NBEA: variants seen among roughly 807,000 people sequenced by gnomAD.
NBEA encodes neurobeachin, also known as lysosomal-trafficking regulator 2.
Under a neutral mutation model 343.4 loss-of-function variants are expected in NBEA, and 44 were observed. The ratio of observed to expected loss-of-function variants is 0.13; its 90% confidence interval spans 0.10 to 0.16. The LOEUF (loss-of-function observed/expected upper bound fraction) is 0.16. Ranked by LOEUF, NBEA falls within the 10% of genes least tolerant of loss-of-function variation. The probability of loss-of-function intolerance (pLI) is 1.00; values close to 1 mark genes in which losing one functional copy is unlikely to be tolerated. For missense variants in NBEA, 2,555 were observed against 3,631.3 expected (o/e 0.70, Z 7.62); for synonymous variants, 1,175 against 1,238.7 (o/e 0.95, Z 1.08).
At chr13:35,619,503 A>T (rs1593384629) in intron 48 of NBEA, among the ~76,000 whole-genome samples, 1 of 152,148 alleles carries the variant, frequency 6.6e-6, no homozygotes, top group Non-Finnish European at 1.5e-5. Flanking sequence ...ACACTCCCCC[A>T]CCCAACCACA....
Position 35,164,372 on chromosome 13 carries a change from G to A in NBEA, c.4096G>A (p.Val1366Ile), listed in dbSNP as rs776824651. Reference protein sequence around the residue: ...HVWRSHSTKSVMDFVNSNENI... With the variant: ...HVWRSHSTKSIMDFVNSNENI... ...GTATTTTAGCCATTCTACAAAGTCT[G>A]TAATGGATTTTGTCAATAGCAATGA... The change falls in exon 24 of 59, where the codon GTA becomes ATA. Residue 1366 changes from valine (V) to isoleucine (I), a missense_variant. Physicochemically the swap from Val to Ile is conservative, Grantham distance 29. Transcript: ENST00000379939. 8 of 1,582,330 alleles carry A rather than the reference G, an allele frequency of 5.1e-6. No homozygotes were observed. The highest frequency in any genetic ancestry group is 6.9e-6 in the Non-Finnish European group (8 of 1,161,986).
chr13:35,024,671 C>T (rs1593501381), intron 1 of NBEA, among the ~76,000 whole-genome samples: 1 of 152,068 alleles, frequency 6.6e-6, no homozygotes, highest in Non-Finnish European at 1.5e-5. Flanking sequence ...CAGAGCAAAA[C>T]TCTGTCTCAA....
At chr13:35,316,002 A>G (rs2152836792) in intron 36 of NBEA, among the ~76,000 whole-genome samples, 1 of 147,414 alleles carries the variant, frequency 6.8e-6, no homozygotes, top group African/African-American at 2.5e-5. Flanking sequence ...TTTAATTTGG[A>G]GCCAATAATC....
chr13:35,603,076 GA>G (rs1175424843), intron 47 of NBEA, among the ~76,000 whole-genome samples: 1 of 152,062 alleles, frequency 6.6e-6, no homozygotes, highest in Non-Finnish European at 1.5e-5. Context: ...TTTTTAAACA[GA>G]AAAGTTTCCC....
intron 1 of NBEA, among the ~76,000 whole-genome samples, chr13:35,001,018 A>C (rs2061118681): frequency 6.6e-6 from 1 of 151,970 alleles, no homozygotes; most frequent in Admixed American, 6.6e-5. Flanking sequence ...CTGAGGTTGA[A>C]CTTGAACTCC....
At chr13:35,308,377 A>G (rs1181133547) in intron 35 of NBEA, among the ~76,000 whole-genome samples, 6 of 145,714 alleles carry the variant, frequency 4.1e-5, no homozygotes, top group Admixed American at 1.4e-4. Flanking sequence ...AACTTTGAGG[A>G]GTATTTAGTT....
chr13:35,044,474 T>A (rs1197188652), intron 2 of NBEA, among the ~76,000 whole-genome samples: 1 of 152,136 alleles, frequency 6.6e-6, no homozygotes, highest in East Asian at 1.9e-4. Context: ...ATATTAAGAA[T>A]AGATAATTCT....
intron 1 of NBEA, among the ~76,000 whole-genome samples, chr13:34,947,911 G>C (rs530179711): frequency 6.6e-6 from 1 of 152,178 alleles, no homozygotes; most frequent in Non-Finnish European, 1.5e-5. Flanking sequence ...TTACCTGACT[G>C]TGTAGGCATT....
intron 38 of NBEA, among the ~76,000 whole-genome samples, chr13:35,417,142 T>C (rs1426057466): frequency 1.3e-5 from 2 of 152,156 alleles, no homozygotes; most frequent in Non-Finnish European, 2.9e-5. Flanking sequence ...TCTTTATTAG[T>C]CTTGCTAGCA....
chr13:35,421,395 C>G (rs746967092), intron 38 of NBEA, among the ~76,000 whole-genome samples: 1 of 152,020 alleles, frequency 6.6e-6, no homozygotes, highest in Non-Finnish European at 1.5e-5. Flanking sequence ...CCTTATCAGT[C>G]TACTGGTGCT....
chr13:35,021,093 A>G (rs1207841190), intron 1 of NBEA, among the ~76,000 whole-genome samples: 1 of 151,794 alleles, frequency 6.6e-6, no homozygotes, highest in African/African-American at 2.4e-5. Flanking sequence ...AATTTGTCTG[A>G]TATTAATTTA....
intron 18 of NBEA, among the ~76,000 whole-genome samples, chr13:35,142,951 C>T (rs948282604): frequency 9.2e-5 from 14 of 152,160 alleles, no homozygotes; most frequent in Non-Finnish European, 1.5e-5. Flanking sequence ...TGGCTACTTT[C>T]ATTTTTAAAT....
At chr13:35,261,388 C>G (rs982572041) in intron 34 of NBEA, among the ~76,000 whole-genome samples, 1 of 151,866 alleles carries the variant, frequency 6.6e-6, no homozygotes, top group African/African-American at 2.4e-5. Context: ...AGAGCATATC[C>G]GTAGTCCAGC....
At chr13:34,985,835 A>G (rs1288826157) in intron 1 of NBEA, among the ~76,000 whole-genome samples, 1 of 150,716 alleles carries the variant, frequency 6.6e-6, no homozygotes, top group Non-Finnish European at 1.5e-5. Flanking sequence ...AGGTGTTTAT[A>G]TTATTATCTG....
intron 41 of NBEA, among the ~76,000 whole-genome samples, chr13:35,538,445 A>T (rs1239793193): frequency 6.6e-6 from 1 of 152,152 alleles, no homozygotes. Context: ...ATAAGCAATC[A>T]TTTTCTTACA....
chr13:35,162,143 A>G (rs2069608577), intron 23 of NBEA, among the ~76,000 whole-genome samples, 176 bp downstream of exon 23: 1 of 152,106 alleles, frequency 6.6e-6, no homozygotes, highest in Admixed American at 6.6e-5. Flanking sequence ...AATAATATAT[A>G]CTGTTTAAGT....
At chr13:35,105,111 G>A (rs2065850970) in intron 11 of NBEA, among the ~76,000 whole-genome samples, 1 of 151,992 alleles carries the variant, frequency 6.6e-6, no homozygotes, top group African/African-American at 2.4e-5. Context: ...AGTTATTGTA[G>A]CTATTAGGAG....
chr13:35,038,451 C>T (rs2062530018), intron 1 of NBEA, among the ~76,000 whole-genome samples: 2 of 152,102 alleles, frequency 1.3e-5, no homozygotes, highest in Admixed American at 1.3e-4. Context: ...CCCATAGCCA[C>T]CACAGCTGGT....
At chr13:35,238,809 A>G (rs2152776344) in intron 34 of NBEA, among the ~76,000 whole-genome samples, 1 of 152,268 alleles carries the variant, frequency 6.6e-6, no homozygotes, top group East Asian at 1.9e-4. Context: ...AAAATCATAT[A>G]ATACTCAAGA....
Sources: allele counts gnomAD v4.1 joint callset (sites outside exome capture counted in the v4.1 genomes callset), GRCh38; gene constraint gnomAD v4.1.1; transcripts MANE v1.5; gene names NCBI Gene and HGNC (gene_info 2026-07-23, HGNC 2026-07-21).